The following CENPU variants were observed in gnomAD, a reference collection of about 807,000 sequenced individuals.
CENPU encodes the protein centromere protein U.
Under a neutral mutation model 56.7 loss-of-function variants are expected in CENPU, and 46 were observed. That is an observed-to-expected ratio of 0.81 (90% CI 0.64 to 1.04). CENPU has a LOEUF of 1.04. Ranked by LOEUF, CENPU falls within the 50% of genes least tolerant of loss-of-function variation. The pLI is 0.00. For synonymous variants in CENPU, 166 were observed against 163.0 expected (o/e 1.02, Z -0.14); for missense variants, 510 against 490.1 (o/e 1.04, Z -0.38).
At chr4:184,696,854 C>T (rs911526126) in intron 12 of CENPU, among the ~76,000 whole-genome samples, 2 of 150,920 alleles carry the variant, frequency 1.3e-5, no homozygotes, top group Non-Finnish European at 2.9e-5. Context: ...ACTTGTTTTC[C>T]CATTATATTC....
chr4:184,712,416 G>T (rs1304298793), intron 7 of CENPU, among the ~76,000 whole-genome samples: 6 of 152,210 alleles, frequency 3.9e-5, no homozygotes, highest in Non-Finnish European at 5.9e-5. Flanking sequence ...TGCCTCTGGA[G>T]ATAATGGGGT....
intron 4 of CENPU, among the ~76,000 whole-genome samples, chr4:184,724,024 G>C (rs1326912229): frequency 1.3e-5 from 2 of 152,024 alleles, no homozygotes; most frequent in African/African-American, 2.4e-5. Flanking sequence ...CAGCACTTTG[G>C]GAGGCCGAGG....
Position 184,728,907 on chromosome 4 carries a change from A to G in CENPU, c.214+11T>C. On this transcript the variant is annotated intron_variant, in intron 3 of 12. Coordinates refer to ENST00000281453, the MANE Select transcript of CENPU (RefSeq NM_024629.4). Reference sequence around the variant, plus strand: ...TAGAGTTATGTTAGGATAAAGATTTAAAGTACTAACCAAAGGTCTCATAAG... The same window carrying G: ...TAGAGTTATGTTAGGATAAAGATTTGAAGTACTAACCAAAGGTCTCATAAG... The G allele has an allele frequency of 6.3e-7, 1 of 1,588,254 alleles. No homozygotes were observed. The highest frequency in any genetic ancestry group is 8.6e-7 in the Non-Finnish European group (1 of 1,157,508).
chr4:184,721,457 T>TTAA (rs375347043), intron 4 of CENPU, among the ~76,000 whole-genome samples: 1 of 74,554 alleles, frequency 1.3e-5, no homozygotes, highest in Non-Finnish European at 2.3e-5. Flanking sequence ...TGGCTGATTG[T>TTAA]AAAAAAAAAA....
chr4:184,699,346 A>AAG (rs1760451911), intron 11 of CENPU, among the ~76,000 whole-genome samples: 1 of 149,722 alleles, frequency 6.7e-6, no homozygotes. Context: ...AAATAAATAA[A>AAG]TAAATAAATA....
At chr4:184,711,308 T>C (rs753051589) in intron 7 of CENPU, among the ~76,000 whole-genome samples, 4 of 152,224 alleles carry the variant, frequency 2.6e-5, no homozygotes, top group East Asian at 1.9e-4. Context: ...ATAGTAATTG[T>C]ACATATTTAT....
intron 6 of CENPU, 53 bp downstream of exon 6, chr4:184,716,344 A>T: frequency 8.1e-7 from 1 of 1,229,370 alleles, no homozygotes; most frequent in Admixed American, 2.2e-5. Flanking sequence ...TTCTTCCCCA[A>T]AATTTTTCAA....
intron 8 of CENPU, among the ~76,000 whole-genome samples, chr4:184,707,510 C>T (rs575403213): frequency 8.5e-5 from 13 of 152,296 alleles, no homozygotes; most frequent in African/African-American, 3.1e-4. Context: ...CAGCCAAACC[C>T]CCATGCTGGA....
chr4:184,700,177 A>C (rs1031272343), intron 11 of CENPU, among the ~76,000 whole-genome samples: 2 of 152,084 alleles, frequency 1.3e-5, no homozygotes, highest in African/African-American at 4.8e-5. Flanking sequence ...TGTGCACTCC[A>C]GTCTTCCTAA....
At position 184,729,037 on chromosome 4, in the gene CENPU, TAA is replaced by T; in HGVS notation, c.97-4_97-3del. On this transcript the variant is annotated splice_region_variant and splice_polypyrimidine_tract_variant and intron_variant, in intron 2 of 12. Coordinates refer to ENST00000281453, the MANE Select transcript of CENPU (RefSeq NM_024629.4). ...AGGCTTGCACTTTTGACCAGCTTTC[TAA>T]AAGTGAATAAAGTTGAGTCATTGAG... The T allele has an allele frequency of 1.9e-6, 3 of 1,606,104 alleles. No individual in the cohort carries two copies. Among genetic ancestry groups the T allele is most frequent in the Non-Finnish European group, 2.6e-6 (3 of 1,174,024 alleles).
Position 184,707,830 on chromosome 4 carries a change from G to C in CENPU, c.797+2242C>G, listed in dbSNP as rs548785147. Among the ~76,000 whole-genome samples, 326 of 152,262 alleles carry C rather than the reference G, an allele frequency of 2.1e-3. 3 individuals are homozygous for C. The highest frequency in any genetic ancestry group is 7.6e-3 in the African/African-American group (314 of 41,528). ...TATATCCGAAACCTTACCAGAAGCA[G>C]GTATTTTAGAATAGCTGATCCAGTA... is the stretch of plus-strand genomic sequence containing the variant. On this transcript the variant is annotated intron_variant, in intron 8 of 12. Coordinates refer to ENST00000281453, the MANE Select transcript of CENPU (RefSeq NM_024629.4).
chr4:184,714,245 T>C (rs938060192), intron 6 of CENPU, among the ~76,000 whole-genome samples: 6 of 152,148 alleles, frequency 3.9e-5, no homozygotes, highest in African/African-American at 1.2e-4. Flanking sequence ...CCAGCAGACC[T>C]GCCATGAAAG....
chr4:184,720,544 C>A (rs1761241296), intron 4 of CENPU, among the ~76,000 whole-genome samples: 1 of 152,144 alleles, frequency 6.6e-6, no homozygotes, highest in African/African-American at 2.4e-5. Flanking sequence ...ATACAACCAA[C>A]ACCAAGCAGC....
At chr4:184,724,022 T>C (rs770903968) in intron 4 of CENPU, among the ~76,000 whole-genome samples, 40 of 152,168 alleles carry the variant, frequency 2.6e-4, no homozygotes, top group Non-Finnish European at 4.3e-4. Context: ...CCCAGCACTT[T>C]GGGAGGCCGA....
intron 2 of CENPU, among the ~76,000 whole-genome samples, chr4:184,730,056 C>G (rs1289538157): frequency 3.9e-5 from 6 of 152,218 alleles, no homozygotes; most frequent in African/African-American, 1.4e-4. Context: ...CTTCCAGCCC[C>G]TCCCAAGGCA....
At chr4:184,731,364 G>C (rs1761639675) in intron 1 of CENPU, among the ~76,000 whole-genome samples, 1 of 152,190 alleles carries the variant, frequency 6.6e-6, no homozygotes, top group Admixed American at 6.5e-5. Context: ...CCATGTTACA[G>C]ATGTGTGCTT....
chr4:184,705,424 A>C (rs1760692110), intron 8 of CENPU, among the ~76,000 whole-genome samples: 1 of 152,178 alleles, frequency 6.6e-6, no homozygotes, highest in South Asian at 2.1e-4. Context: ...CTGTGGGTGT[A>C]GTTATAAAAG....
rs749555126 is a variant in CENPU at position 184,694,753 on chromosome 4, C to A, written c.*535G>T. 1 of 1,611,912 alleles carries A rather than the reference C, an allele frequency of 6.2e-7. No individual in the cohort carries two copies. The highest frequency in any genetic ancestry group is 1.1e-5 in the South Asian group (1 of 91,034). ...TGAAGTGGATGAAATTCCTGATGAACTAATTATAGAAGTATTACAAGAGTA... is the reference window on the plus strand; with the variant it reads ...TGAAGTGGATGAAATTCCTGATGAAATAATTATAGAAGTATTACAAGAGTA... On this transcript the variant is annotated 3_prime_UTR_variant, in exon 13 of 13. Coordinates refer to ENST00000281453, the MANE Select transcript of CENPU (RefSeq NM_024629.4).
rs1760017568 is a variant in CENPU, at chr4:184,694,446, A to G, written c.*842T>C. 1 of 1,513,898 alleles carries G rather than the reference A, an allele frequency of 6.6e-7. No homozygotes were observed. Among genetic ancestry groups the G allele is most frequent in the Non-Finnish European group, 8.9e-7 (1 of 1,128,560 alleles). 93.8% of individuals were successfully genotyped at this position (1,513,898 alleles called of 1,614,324 possible). A position where few individuals can be genotyped will look rare whatever the true frequency, so the allele number is the denominator to read the frequency against. ...CACTTAATACCTTACTTCAACATAG[A>G]GTATAAGGTTAAATCACATATCCTG... On this transcript the variant is annotated 3_prime_UTR_variant, in exon 13 of 13. Transcript: ENST00000281453.
Sources: gnomAD v4.1 joint callset for allele counts (sites outside exome capture counted in the v4.1 genomes callset) on GRCh38, gnomAD v4.1.1 for gene constraint, MANE v1.5 for transcripts, NCBI Gene and HGNC (gene_info 2026-07-23, HGNC 2026-07-21) for gene names.